MDGA2: variants seen among roughly 807,000 people sequenced by gnomAD.
The protein encoded by MDGA2 is MAM domain-containing glycosylphosphatidylinositol anchor protein 2.
A neutral mutation model predicts 117.8 loss-of-function variants in MDGA2; 40 were observed. The ratio of observed to expected loss-of-function variants is 0.34; its 90% confidence interval spans 0.26 to 0.44. MDGA2 has a LOEUF of 0.44. Among genes scored for constraint, MDGA2 ranks in the 20% least tolerant of loss-of-function variants. The pLI, the probability that MDGA2 is intolerant of heterozygous loss-of-function variation, is 1.00. For missense variants in MDGA2, 1,123 were observed against 1,250.6 expected, an observed-to-expected ratio of 0.90 and a Z score of 1.54; for synonymous variants, 452 against 439.0, an observed-to-expected ratio of 1.03 and a Z score of -0.37.
chr14:46,947,175 G>A (rs558320433), intron 9 of MDGA2, among the ~76,000 whole-genome samples: 51 of 151,608 alleles, frequency 3.4e-4, no homozygotes, highest in African/African-American at 1.2e-3. Flanking sequence ...TTGTGTCCTC[G>A]CAATTAATTG....
In MDGA2 at chr14:47,550,423, C is replaced by T. The variant is rs557426726; in HGVS notation, c.280+124094G>A. Among the ~76,000 whole-genome samples the T allele has an allele frequency of 7.9e-5, 12 of 152,176 alleles. No homozygotes were observed. The East Asian group carries it at 1.5e-3, about 20-fold the overall frequency. On this transcript the variant is annotated intron_variant, in intron 1 of 16. Transcript: ENST00000399232. ...TATGTTAATATTCCTTCACTTATTT[C>T]GGAATCAACAGTATCAAGCATATAA...
chr14:47,172,913 C>T (rs933848340), intron 3 of MDGA2, among the ~76,000 whole-genome samples: 5 of 151,984 alleles, frequency 3.3e-5, no homozygotes, highest in Non-Finnish European at 5.9e-5. Context: ...AAAATTTAGA[C>T]GAATGGATAA....
At chr14:47,029,838 T>C (rs540701664) in intron 8 of MDGA2, among the ~76,000 whole-genome samples, 68 of 151,184 alleles carry the variant, frequency 4.5e-4, no homozygotes, top group African/African-American at 1.6e-3. Context: ...TTTGTTTTTC[T>C]TTTTTTTTGA....
rs533446362 is a variant in MDGA2, at chr14:47,166,639, A to T, written c.596-22365T>A. ...AGAGATACAACCAAGAGAGAACTTT[A>T]TCTCCAGCTCTAGACTTCTAGTCTA... On this transcript the variant is annotated intron_variant, in intron 3 of 16. Transcript: ENST00000399232. 1.9e-4 allele frequency among the ~76,000 whole-genome samples: 29 copies of T among 152,314 alleles called. No homozygotes were observed. In the South Asian group the frequency reaches 2.5e-3, roughly 13 times the overall value.
intron 9 of MDGA2, among the ~76,000 whole-genome samples, chr14:46,955,904 T>C (rs557593808): frequency 6.6e-6 from 1 of 152,132 alleles, no homozygotes; most frequent in Admixed American, 6.6e-5. Context: ...TGGATCTTTG[T>C]ATACTTCTAT....
intron 1 of MDGA2, among the ~76,000 whole-genome samples, chr14:47,484,096 G>C (rs946026411): frequency 3.3e-5 from 5 of 151,990 alleles, no homozygotes; most frequent in Admixed American, 3.3e-4. Flanking sequence ...TTAATAGTAG[G>C]TATATGGCTA....
chr14:47,216,857 CATA>C (rs1428175687), intron 3 of MDGA2, among the ~76,000 whole-genome samples: 1 of 151,878 alleles, frequency 6.6e-6, no homozygotes, highest in Non-Finnish European at 1.5e-5. Context: ...CCTGTGCACC[CATA>C]ATAATAAGGA....
chr14:47,091,282 G>A (rs1401066766), intron 6 of MDGA2, among the ~76,000 whole-genome samples: 1 of 151,918 alleles, frequency 6.6e-6, no homozygotes, highest in Non-Finnish European at 1.5e-5. Flanking sequence ...CTATATGCTG[G>A]GTAATATTCT....
intron 9 of MDGA2, among the ~76,000 whole-genome samples, chr14:46,930,342 TA>T (rs1487931906): frequency 2.6e-5 from 4 of 152,172 alleles, no homozygotes; most frequent in Admixed American, 1.3e-4. Flanking sequence ...GTCATCAGCA[TA>T]TTTTTTTTAA....
In MDGA2 at chr14:47,597,812, T is replaced by C. The variant is rs540700229; in HGVS notation, c.280+76705A>G. On this transcript the variant is annotated intron_variant, in intron 1 of 16. Transcript: ENST00000399232. ...AGAGTTAAATATATGGAAGATTCCT[T>C]AAACACACACAGAGACGCACACCAC... Among the ~76,000 whole-genome samples, 124 of 148,720 alleles carry C rather than the reference T, an allele frequency of 8.3e-4. 1 individual carries two copies. Among genetic ancestry groups the C allele is most frequent in the African/African-American group, 2.8e-3 (114 of 40,498 alleles).
At chr14:47,634,838 A>T (rs111943556) in intron 1 of MDGA2, among the ~76,000 whole-genome samples, 7 of 152,116 alleles carry the variant, frequency 4.6e-5, no homozygotes, top group African/African-American at 1.7e-4. Context: ...TTCCATCTCA[A>T]TCATTACCAT....
chr14:47,494,713 G>C (rs938288436), intron 1 of MDGA2, among the ~76,000 whole-genome samples: 1 of 151,760 alleles, frequency 6.6e-6, no homozygotes, highest in Non-Finnish European at 1.5e-5. Flanking sequence ...TGGTGAGAGA[G>C]AGGGGTCCAT....
chr14:47,330,710 A>C (rs1166998716), intron 1 of MDGA2, among the ~76,000 whole-genome samples: 1 of 138,584 alleles, frequency 7.2e-6, no homozygotes, highest in East Asian at 1.9e-4. Flanking sequence ...TACAGCCACC[A>C]AAAAAAAAGA....
intron 6 of MDGA2, among the ~76,000 whole-genome samples, chr14:47,086,603 T>C (rs12432830): frequency 0.27 from 29,866 of 112,242 alleles, 3,002 homozygotes; most frequent in Admixed American, 0.37. Context: ...AGATAGAAGT[T>C]AAACATAGAT....
chr14:47,554,663 T>C (rs918456764), intron 1 of MDGA2, among the ~76,000 whole-genome samples: 1 of 152,204 alleles, frequency 6.6e-6, no homozygotes, highest in Non-Finnish European at 1.5e-5. Flanking sequence ...AAAAAATAGT[T>C]TTCCATTTCA....
At chr14:47,468,406 C>A (rs1893648292) in intron 1 of MDGA2, among the ~76,000 whole-genome samples, 1 of 152,034 alleles carries the variant, frequency 6.6e-6, no homozygotes, top group Non-Finnish European at 1.5e-5. Flanking sequence ...AAGTCTGACC[C>A]CAATTATTTG....
chr14:47,513,070 G>A (rs1894675484), intron 1 of MDGA2, among the ~76,000 whole-genome samples: 2 of 151,886 alleles, frequency 1.3e-5, no homozygotes, highest in Non-Finnish European at 2.9e-5. Flanking sequence ...GTCATTCCAT[G>A]TCAATAGCTT....
At chr14:47,091,961 A>G (rs1208906897) in intron 6 of MDGA2, among the ~76,000 whole-genome samples, 1 of 152,124 alleles carries the variant, frequency 6.6e-6, no homozygotes, top group African/African-American at 2.4e-5. Flanking sequence ...CAGCATTATC[A>G]ACTAGTAAAT....
At chr14:47,281,032 T>G (rs889762187) in intron 2 of MDGA2, among the ~76,000 whole-genome samples, 3 of 147,678 alleles carry the variant, frequency 2.0e-5, no homozygotes, top group African/African-American at 7.4e-5. Flanking sequence ...AAATATATAA[T>G]TAATATAATA....
Sources: allele counts gnomAD v4.1 joint callset (sites outside exome capture counted in the v4.1 genomes callset), GRCh38; gene constraint gnomAD v4.1.1; transcripts MANE v1.5; gene names NCBI Gene and HGNC (gene_info 2026-07-23, HGNC 2026-07-21).